The following GJC1 variants were observed in gnomAD, a reference collection of about 807,000 sequenced individuals.
The protein encoded by GJC1 is gap junction protein gamma 1.
Under a neutral mutation model 29.3 loss-of-function variants are expected in GJC1, and 5 were observed. The ratio of observed to expected loss-of-function variants is 0.17; its 90% CI spans 0.09 to 0.36. The LOEUF is 0.36. Among genes scored for constraint, GJC1 ranks in the 10% least tolerant of loss-of-function variants. The pLI is 1.00. For synonymous variants in GJC1, 177 were observed against 183.3 expected, an observed-to-expected ratio of 0.97 and a Z score of 0.28; for missense variants, 310 against 496.2, an observed-to-expected ratio of 0.62 and a Z score of 3.56.
In GJC1 at chr17:44,812,663, T is replaced by A. The variant is rs79805846; in HGVS notation, c.-96-5194A>T. Among the ~76,000 whole-genome samples, 4 of 151,954 alleles carry A rather than the reference T, an allele frequency of 2.6e-5. 1 individual carries two copies. The highest frequency in any genetic ancestry group is 4.4e-5 in the Non-Finnish European group (3 of 67,964). On this transcript the variant is annotated intron_variant, in intron 1 of 2. Coordinates refer to ENST00000592524, the MANE Select transcript of GJC1 (RefSeq NM_005497.4). The stretch of plus-strand genomic sequence containing the variant: ...TAGTAAAAATGAACTTTTTTTTTTT[T>A]AATTGAGACAGAGTCTCACTGTCGC...
At chr17:44,819,187 A>G (rs1248955541) in intron 1 of GJC1, among the ~76,000 whole-genome samples, 2 of 152,280 alleles carry the variant, frequency 1.3e-5, no homozygotes, top group East Asian at 1.9e-4. Flanking sequence ...ACCCAGAAAC[A>G]GTAACTCCCC....
intron 1 of GJC1, among the ~76,000 whole-genome samples, chr17:44,815,646 C>G (rs2050033298): frequency 6.6e-6 from 1 of 152,024 alleles, no homozygotes; most frequent in African/African-American, 2.4e-5. Context: ...CTCATATATC[C>G]AACCCCTTTG....
In GJC1 at chr17:44,804,421, T is replaced by C; in HGVS notation, c.*206A>G. ...ATGTAAAGTTCTGCAACTGTATTAT[T>C]GCTAAGAACATGTGCCTGGGAACAC... On this transcript the variant is annotated 3_prime_UTR_variant, in exon 3 of 3. Transcript: ENST00000592524. 1 of 541,670 alleles carries C rather than the reference T, an allele frequency of 1.8e-6. No individual in the cohort carries two copies. Among genetic ancestry groups the C allele is most frequent in the Non-Finnish European group, 3.3e-6 (1 of 307,082 alleles). The allele number at this position is 541,670 out of a possible 1,614,324, so 33.6% of individuals were successfully genotyped here.
intron 1 of GJC1, among the ~76,000 whole-genome samples, chr17:44,816,442 A>G (rs1461067704): frequency 6.6e-6 from 1 of 152,188 alleles, no homozygotes; most frequent in Non-Finnish European, 1.5e-5. Flanking sequence ...TCTATAGGTT[A>G]TATCCAAACA....
intron 1 of GJC1, among the ~76,000 whole-genome samples, chr17:44,825,381 T>G (rs1486699055): frequency 6.6e-6 from 1 of 151,762 alleles, no homozygotes; most frequent in Non-Finnish European, 1.5e-5. Context: ...TCCCAGCTAC[T>G]TGGGAGGCTG....
intron 1 of GJC1, among the ~76,000 whole-genome samples, chr17:44,815,126 T>G (rs2050028078): frequency 1.3e-5 from 2 of 151,976 alleles, no homozygotes; most frequent in African/African-American, 4.8e-5. Flanking sequence ...TGTCAAGTGG[T>G]GGAGATGGGT....
At chr17:44,809,946 C>T (rs1417233439) in intron 1 of GJC1, among the ~76,000 whole-genome samples, 1 of 151,518 alleles carries the variant, frequency 6.6e-6, no homozygotes, top group Non-Finnish European at 1.5e-5. Flanking sequence ...GCAAGCTCCG[C>T]CTCCCAGGTT....
chr17:44,812,260 G>A (rs1162999809), intron 1 of GJC1, among the ~76,000 whole-genome samples: 1 of 152,120 alleles, frequency 6.6e-6, no homozygotes, highest in East Asian at 1.9e-4. Flanking sequence ...GGGAGGCAGA[G>A]GCTGCAGTGA....
In GJC1 at chr17:44,800,027, A is replaced by C. The variant is rs1183896381; in HGVS notation, c.*4600T>G. 2.0e-5 allele frequency: 3 copies of C among 152,244 alleles called. No homozygotes were observed. The highest frequency in any genetic ancestry group is 7.2e-5 in the African/African-American group (3 of 41,464). 9.4% of individuals were successfully genotyped at this position (152,244 alleles called of 1,614,324 possible). On this transcript the variant is annotated 3_prime_UTR_variant, in exon 3 of 3. Coordinates refer to ENST00000592524, the MANE Select transcript of GJC1 (RefSeq NM_005497.4). ...AAGTATGCAATTCAATGATTCCAAC[A>C]TTTGATGGTGACTGTGAATTATTAC...
intron 1 of GJC1, among the ~76,000 whole-genome samples, chr17:44,814,548 A>C (rs143973607): frequency 3.0e-4 from 45 of 152,252 alleles, no homozygotes; most frequent in Non-Finnish European, 5.9e-4. Context: ...CTCACACACA[A>C]AAAACCCTGG....
chr17:44,826,173 T>C (rs1192735099), intron 1 of GJC1, among the ~76,000 whole-genome samples: 1 of 152,144 alleles, frequency 6.6e-6, no homozygotes, highest in Non-Finnish European at 1.5e-5. Context: ...CCACCCGCCT[T>C]GGCCTCCCAA....
intron 1 of GJC1, among the ~76,000 whole-genome samples, chr17:44,811,530 T>C (rs1597747395): frequency 6.6e-6 from 1 of 151,538 alleles, no homozygotes. Flanking sequence ...GAGACTACAG[T>C]TGCACGCCAC....
chr17:44,807,999 T>A (rs943118150), intron 1 of GJC1: 1 of 152,026 alleles, frequency 6.6e-6, no homozygotes, highest in African/African-American at 2.4e-5. Context: ...TCACAAAAAG[T>A]CACAGAAAGA....
Position 44,799,825 on chromosome 17 carries a change from G to C in GJC1, c.*4802C>G, listed in dbSNP as rs1432662703. The stretch of plus-strand genomic sequence containing the variant: ...GACCAGCTACTTGGGAGGCTGAAGT[G>C]GGAGGACTGCTTGAGCCAAGGAGGT... On this transcript the variant is annotated 3_prime_UTR_variant, in exon 3 of 3. Coordinates refer to ENST00000592524, the MANE Select transcript of GJC1 (RefSeq NM_005497.4). 6.6e-6 allele frequency: 1 copy of C among 152,138 alleles called. No homozygotes were observed. The highest frequency in any genetic ancestry group is 1.5e-5 in the Non-Finnish European group (1 of 68,056). 9.4% of individuals were successfully genotyped at this position (152,138 alleles called of 1,614,324 possible).
At chr17:44,809,593 G>A (rs935872576) in intron 1 of GJC1, among the ~76,000 whole-genome samples, 4 of 147,646 alleles carry the variant, frequency 2.7e-5, no homozygotes, top group African/African-American at 5.0e-5. Context: ...TTTTTGAGAC[G>A]GAGTTTCACT....
chr17:44,821,472 C>A (rs538866862), intron 1 of GJC1, among the ~76,000 whole-genome samples: 1 of 151,350 alleles, frequency 6.6e-6, no homozygotes, highest in South Asian at 2.1e-4. Context: ...CTGAGGCAGG[C>A]GGATCACCTG....
Position 44,814,673 on chromosome 17 carries a change from T to C in GJC1, c.-96-7204A>G, listed in dbSNP as rs531971733. 9.9e-5 allele frequency among the ~76,000 whole-genome samples: 15 copies of C among 152,172 alleles called. No homozygotes were observed. The East Asian group carries it at 2.5e-3, about 26-fold the overall frequency. On this transcript the variant is annotated intron_variant, in intron 1 of 2. Coordinates refer to ENST00000592524, the MANE Select transcript of GJC1 (RefSeq NM_005497.4). ...AATTCAGGACATAGGGCCGGAGCGA[T>C]GGCTCACGCCTGTAATCCTAGCACT... is the stretch of plus-strand genomic sequence containing the variant.
chr17:44,818,974 C>A (rs1293814943), intron 1 of GJC1, among the ~76,000 whole-genome samples: 1 of 151,620 alleles, frequency 6.6e-6, no homozygotes, highest in Non-Finnish European at 1.5e-5. Flanking sequence ...AACAAAACCT[C>A]TCAAGTTTTT....
intron 1 of GJC1, among the ~76,000 whole-genome samples, chr17:44,816,112 CAAAAAA>C (rs34938283): frequency 6.3e-5 from 3 of 47,434 alleles, no homozygotes; most frequent in East Asian, 9.0e-4. Flanking sequence ...CACTCCGTCT[CAAAAAA>C]AAAAAAAAAA....
Sources: gnomAD v4.1 joint callset for allele counts (sites outside exome capture counted in the v4.1 genomes callset) on GRCh38, gnomAD v4.1.1 for gene constraint, MANE v1.5 for transcripts, NCBI Gene and HGNC (gene_info 2026-07-23, HGNC 2026-07-21) for gene names.